Variants in ARHGAP29 observed in about 807,000 individuals in gnomAD.
ARHGAP29 encodes the protein rho GTPase-activating protein 29.
Under a neutral mutation model 122.6 loss-of-function variants are expected in ARHGAP29, and 43 were observed. That is an observed-to-expected ratio of 0.35 (90% CI 0.27 to 0.45). The LOEUF is 0.45. ARHGAP29 is among the 20% of genes least tolerant of loss of function. The probability of loss-of-function intolerance (pLI) is 1.00; values close to 1 mark genes in which losing one functional copy is unlikely to be tolerated. For missense variants in ARHGAP29, 1,303 were observed against 1,477.2 expected (o/e 0.88, Z 1.93); for synonymous variants, 506 against 497.1 (o/e 1.02, Z -0.24).
intron 2 of ARHGAP29, among the ~76,000 whole-genome samples, chr1:94,228,428 CA>C (rs1652740243): frequency 1.3e-5 from 2 of 151,688 alleles, no homozygotes; most frequent in Non-Finnish European, 3.0e-5. Context: ...TCATTCTTAA[CA>C]AAAAATTAAA....
intron 12 of ARHGAP29, chr1:94,191,579 G>A (rs1483568961): frequency 6.6e-6 from 1 of 152,176 alleles, no homozygotes; most frequent in Non-Finnish European, 1.5e-5. Flanking sequence ...CTATGTTAGA[G>A]CATTCTCCAG....
the ARHGAP29 span, among the ~76,000 whole-genome samples, chr1:94,295,591 G>C: frequency 6.6e-6 from 1 of 152,100 alleles, no homozygotes. Context: ...AAAGATTAAT[G>C]ATCTGTGAAT....
At chr1:94,178,636 A>G (rs971616622) in intron 20 of ARHGAP29, among the ~76,000 whole-genome samples, 1 of 152,034 alleles carries the variant, frequency 6.6e-6, no homozygotes, top group African/African-American at 2.4e-5. Flanking sequence ...ATTCAAGGAG[A>G]TCTGAATTGT....
the ARHGAP29 span, among the ~76,000 whole-genome samples, chr1:94,314,350 G>T: frequency 6.6e-6 from 1 of 152,166 alleles, no homozygotes. Context: ...GTGACCATCT[G>T]GGCGGGCATC....
At chr1:94,183,537 A>C (rs547783260) in intron 19 of ARHGAP29, among the ~76,000 whole-genome samples, 1 of 152,284 alleles carries the variant, frequency 6.6e-6, no homozygotes, top group South Asian at 2.1e-4. Context: ...TTCCTGCTAG[A>C]ATGTGCAGTA....
intron 1 of ARHGAP29, among the ~76,000 whole-genome samples, chr1:94,262,494 G>A (rs1334695487): frequency 6.6e-6 from 1 of 152,102 alleles, no homozygotes; most frequent in African/African-American, 2.4e-5. Flanking sequence ...ATGTTTGCAA[G>A]CTATGCATCT....
intron 1 of ARHGAP29, among the ~76,000 whole-genome samples, 196 bp downstream of exon 1, chr1:94,237,219 G>C (rs746365158): frequency 8.5e-5 from 13 of 152,172 alleles, no homozygotes; most frequent in Non-Finnish European, 1.8e-4. Context: ...CCCTAGCCCC[G>C]GCCGGACCCT....
intron 2 of ARHGAP29, among the ~76,000 whole-genome samples, chr1:94,229,646 C>T (rs139687781): frequency 1.3e-5 from 2 of 151,654 alleles, no homozygotes; most frequent in East Asian, 3.9e-4. Flanking sequence ...TGATAATGTC[C>T]TTATGAATTT....
In ARHGAP29 at chr1:94,170,177, G is replaced by C. The variant is rs190248003; in HGVS notation, c.*3692C>G. 1.3e-5 allele frequency among the ~76,000 whole-genome samples: 2 copies of C among 152,212 alleles called. No individual in the cohort carries two copies. The highest frequency in any genetic ancestry group is 3.9e-4 in the East Asian group (2 of 5,174). On this transcript the variant is annotated 3_prime_UTR_variant, in exon 23 of 23. Coordinates refer to ENST00000260526, the MANE Select transcript of ARHGAP29 (RefSeq NM_004815.4). ...TACTTCCTAATTCTAATTTTACAAT[G>C]GAGAAACCTGGTATATACTATCTGA...
intron 1 of ARHGAP29, among the ~76,000 whole-genome samples, chr1:94,260,156 T>C (rs1006440992): frequency 3.3e-5 from 5 of 152,344 alleles, no homozygotes; most frequent in East Asian, 1.9e-4. Flanking sequence ...ATGCCTGGGA[T>C]GAGCCATGGA....
intron 1 of ARHGAP29, among the ~76,000 whole-genome samples, chr1:94,232,664 T>C (rs576677167): frequency 2.6e-5 from 4 of 152,328 alleles, no homozygotes; most frequent in African/African-American, 9.6e-5. Context: ...AGACTTCATA[T>C]GTTAAAACAC....
chr1:94,246,468 T>C (rs1421699193), intron 1 of ARHGAP29, among the ~76,000 whole-genome samples: 2 of 152,140 alleles, frequency 1.3e-5, no homozygotes, highest in African/African-American at 4.8e-5. Context: ...AAAAGGTACT[T>C]AGAACTTTCA....
At chr1:94,308,626 G>T in the ARHGAP29 span, among the ~76,000 whole-genome samples, 2 of 152,152 alleles carry the variant, frequency 1.3e-5, no homozygotes, top group Non-Finnish European at 2.9e-5. Context: ...GTTGCATCTT[G>T]TGCACCATTT....
Position 94,180,647 on chromosome 1 carries a change from G to T in ARHGAP29, c.2248-690C>A, listed in dbSNP as rs1408124214. Among the ~76,000 whole-genome samples the T allele has an allele frequency of 2.6e-5, 4 of 152,170 alleles. No individual in the cohort carries two copies. In the South Asian group the frequency reaches 6.2e-4, roughly 24 times the overall value. On this transcript the variant is annotated intron_variant, in intron 19 of 22. Transcript: ENST00000260526. ...TCTGGTTTCCTCTGCTGGTCCTAGA[G>T]AGGGGTAGCCTTGAGATCAATTTCT...
rs752851156 is a variant in ARHGAP29, at chr1:94,220,409, A to T, written c.206-17T>A. 3 of 1,560,148 alleles carry T rather than the reference A, an allele frequency of 1.9e-6. No homozygotes were observed. Among genetic ancestry groups the T allele is most frequent in the South Asian group, 1.2e-5 (1 of 83,938 alleles). On this transcript the variant is annotated splice_polypyrimidine_tract_variant and intron_variant, in intron 2 of 22. Coordinates refer to ENST00000260526, the MANE Select transcript of ARHGAP29 (RefSeq NM_004815.4). ...TAAAACAGTCTTTAAAAAGAAAAAA[A>T]AATAATTTATTTCCAGAGCAAAGTT...
chr1:94,203,062 A>G (rs1570531316), intron 9 of ARHGAP29, 38 bp downstream of exon 9: 6 of 1,598,112 alleles, frequency 3.8e-6, no homozygotes, highest in Non-Finnish European at 5.1e-6. Flanking sequence ...CCATTGCTTA[A>G]AAATAAAAGT....
rs368773847 is a variant in ARHGAP29, at chr1:94,259,994, G to A, written c.-33+15018C>T. Among the ~76,000 whole-genome samples the A allele has an allele frequency of 1.8e-4, 28 of 152,238 alleles. No individual in the cohort carries two copies. The South Asian group carries it at 3.3e-3, about 18-fold the overall frequency. On this transcript the variant is annotated intron_variant and NMD_transcript_variant, in intron 1 of 25. Transcript: ENST00000552844. ...CCCTGCATAATGCAAAAGTCTCTAC[G>A]GAGTTTCTGTAGAGGACCAGAGGCA...
chr1:94,266,475 T>G (rs1654774948), intron 1 of ARHGAP29, among the ~76,000 whole-genome samples: 1 of 152,216 alleles, frequency 6.6e-6, no homozygotes, highest in Non-Finnish European at 1.5e-5. Flanking sequence ...CTGAATAGTG[T>G]GCTCACTGTG....
the ARHGAP29 span, among the ~76,000 whole-genome samples, chr1:94,295,766 T>TTCCACACAATGTGGAATCTTCTAAG: frequency 6.6e-6 from 1 of 152,206 alleles, no homozygotes; most frequent in Non-Finnish European, 1.5e-5. Context: ...AATCTTCTAA[T>TTCCACACAATGTGGAATCTTCTAAG]TCCACACAAT....
Sources: gnomAD v4.1 joint callset for allele counts (sites outside exome capture counted in the v4.1 genomes callset) on GRCh38, gnomAD v4.1.1 for gene constraint, MANE v1.5 for transcripts, NCBI Gene and HGNC (gene_info 2026-07-23, HGNC 2026-07-21) for gene names.